EGF: variants seen among roughly 807,000 people sequenced by gnomAD.
EGF encodes pro-epidermal growth factor.
A neutral mutation model predicts 143.8 loss-of-function variants in EGF; 95 were observed. The observed-to-expected ratio is 0.66, with a 90% CI of 0.56 to 0.78. The LOEUF is 0.78. Ranked by LOEUF, EGF falls within the 30% of genes least tolerant of loss-of-function variation. The pLI is 0.00. For missense variants in EGF, 1,320 were observed against 1,470.9 expected (o/e 0.90, Z 1.68); for synonymous variants, 510 against 510.5 (o/e 1.00, Z 0.01).
At chr4:109,951,004 C>G (rs1743800485) in intron 5 of EGF, among the ~76,000 whole-genome samples, 1 of 151,814 alleles carries the variant, frequency 6.6e-6, no homozygotes, top group African/African-American at 2.4e-5. Flanking sequence ...CTTTAAGAAA[C>G]AAGAGTTGAA....
intron 1 of EGF, among the ~76,000 whole-genome samples, chr4:109,915,312 G>A (rs988283281): frequency 2.0e-5 from 3 of 152,296 alleles, no homozygotes; most frequent in Middle Eastern, 3.4e-3. Context: ...ACTGCTTTTA[G>A]GATTTTTTTG....
chr4:110,004,678 A>AT (rs1292009676), intron 22 of EGF, 56 bp downstream of exon 22: 5 of 1,297,238 alleles, frequency 3.9e-6, no homozygotes, highest in Middle Eastern at 2.0e-4. Flanking sequence ...ACCCCTATTC[A>AT]TTTTTTCTAT....
intron 1 of EGF, among the ~76,000 whole-genome samples, chr4:109,925,299 A>G (rs1026032117): frequency 5.3e-5 from 8 of 152,236 alleles, no homozygotes; most frequent in Non-Finnish European, 8.8e-5. Flanking sequence ...AAATGTGATG[A>G]AGTAAGTACT....
intron 1 of EGF, among the ~76,000 whole-genome samples, chr4:109,917,891 A>C (rs773346748): frequency 6.6e-6 from 1 of 152,186 alleles, no homozygotes; most frequent in Non-Finnish European, 1.5e-5. Flanking sequence ...AAGTGCTGGG[A>C]TTACAGGCAT....
intron 20 of EGF, among the ~76,000 whole-genome samples, chr4:109,998,563 A>G (rs756022967): frequency 2.6e-5 from 4 of 152,266 alleles, no homozygotes; most frequent in Non-Finnish European, 5.9e-5. Flanking sequence ...AGTGCCTAGC[A>G]GGATGTCAAA....
chr4:109,990,320 A>T (rs1268977357), intron 18 of EGF, among the ~76,000 whole-genome samples: 1 of 152,234 alleles, frequency 6.6e-6, no homozygotes, highest in Admixed American at 6.5e-5. Flanking sequence ...AAGAGTGCAC[A>T]TCATAAGAGA....
intron 5 of EGF, among the ~76,000 whole-genome samples, chr4:109,958,777 G>A (rs894204551): frequency 4.6e-5 from 7 of 151,908 alleles, no homozygotes; most frequent in African/African-American, 1.5e-4. Flanking sequence ...AATTAGCCAG[G>A]TGTGGTGGTG....
intron 13 of EGF, among the ~76,000 whole-genome samples, 163 bp downstream of exon 13, chr4:109,976,398 C>T (rs892129199): frequency 2.0e-5 from 3 of 152,216 alleles, no homozygotes; most frequent in African/African-American, 7.2e-5. Context: ...CTTACCTTAA[C>T]ATTGGAATAC....
chr4:109,960,599 C>T (rs990244581), intron 6 of EGF, among the ~76,000 whole-genome samples: 1 of 151,962 alleles, frequency 6.6e-6, no homozygotes. Context: ...GAGCTGAGAT[C>T]GTGGCATTGC....
intron 5 of EGF, among the ~76,000 whole-genome samples, chr4:109,953,129 T>C (rs1744212143): frequency 6.6e-6 from 1 of 152,242 alleles, no homozygotes; most frequent in Non-Finnish European, 1.5e-5. Context: ...TTTTCAAGAA[T>C]GCTTTATGGG....
intron 1 of EGF, among the ~76,000 whole-genome samples, chr4:109,928,996 G>T (rs1739234602): frequency 6.6e-6 from 1 of 152,074 alleles, no homozygotes; most frequent in African/African-American, 2.4e-5. Context: ...TATTATAGAA[G>T]TAGATATAAA....
chr4:110,007,343 C>T (rs1031699395), intron 22 of EGF, among the ~76,000 whole-genome samples: 2 of 152,266 alleles, frequency 1.3e-5, no homozygotes, highest in Middle Eastern at 3.4e-3. Flanking sequence ...GAAGCGTGAT[C>T]GGCCAAAACC....
At position 109,945,257 on chromosome 4, in the gene EGF, G is replaced by T. The variant is rs764972836; in HGVS notation, c.922G>T (p.Asp308Tyr). 4 of 1,613,992 alleles carry T rather than the reference G, an allele frequency of 2.5e-6. No homozygotes were observed. The highest frequency in any genetic ancestry group is 3.4e-6 in the Non-Finnish European group (4 of 1,179,970). Residue 308 changes from aspartate (D) to tyrosine (Y), a missense_variant, in exon 5 of 24, where the codon GAT becomes TAT. Asp to Tyr is a radical substitution (Grantham distance 160, BLOSUM62 -3). Coordinates refer to ENST00000265171, the MANE Select transcript of EGF (RefSeq NM_001963.6). ...VHPLAQPKAE[D>Y]DTWEPEQKLC... ...TCCACTTGCACAACCCAAGGCAGAAGATGACACTTGGGAGCCTGGTGAGTC... is the reference window on the plus strand; with the variant it reads ...TCCACTTGCACAACCCAAGGCAGAATATGACACTTGGGAGCCTGGTGAGTC...
In EGF at chr4:109,999,791, G is replaced by A. The variant is rs75935899; in HGVS notation, c.3118G>A (p.Val1040Met). 2,691 of 1,614,028 alleles carry A rather than the reference G, an allele frequency of 1.7e-3. 13 individuals are homozygous for A. The highest frequency in any genetic ancestry group is 0.015 in the East Asian group (689 of 44,876). ...GAAGGTCATCGTGGTGGCTGTCTGCGTGGTGGTGCTTGTCATGCTGCTCCT... is the reference window on the plus strand; with the variant it reads ...GAAGGTCATCGTGGTGGCTGTCTGCATGGTGGTGCTTGTCATGCTGCTCCT... Reference protein sequence around the residue: ...QQKVIVVAVCVVVLVMLLLLS... With the variant: ...QQKVIVVAVCMVVLVMLLLLS... Residue 1040 changes from valine to methionine, a missense_variant, in exon 21 of 24, where the codon GTG (valine) becomes ATG (methionine). Physicochemically the swap from Val to Met is conservative, Grantham distance 21. This residue lies in a region of EGF where 1,186 missense variants were observed against 1,313.7 expected (regional missense o/e 0.90). Transcript: ENST00000265171.
intron 1 of EGF, among the ~76,000 whole-genome samples, chr4:109,929,223 G>C (rs1419569453): frequency 6.6e-6 from 1 of 152,156 alleles, no homozygotes; most frequent in Non-Finnish European, 1.5e-5. Flanking sequence ...GCTAGGGTCT[G>C]TGTTGAGAAA....
At chr4:109,938,146 AC>A (rs1741187120) in intron 1 of EGF, among the ~76,000 whole-genome samples, 1 of 152,214 alleles carries the variant, frequency 6.6e-6, no homozygotes, top group African/African-American at 2.4e-5. Context: ...ACTTTCAGGT[AC>A]ACCAATCAAA....
rs1390189390 is a variant in EGF, at chr4:109,933,184, A to T, written c.128-7762A>T. ...GCGAAGCTGGTGGGGTCAGGACTGG[A>T]AACCAGGCCTCTGGCTTTCTGTCTA... On this transcript the variant is annotated intron_variant, in intron 1 of 23. Transcript: ENST00000265171. 2.6e-5 allele frequency among the ~76,000 whole-genome samples: 4 copies of T among 152,190 alleles called. No homozygotes were observed. The East Asian group carries it at 7.7e-4, about 29-fold the overall frequency.
chr4:109,992,261 T>C (rs1455741196), intron 18 of EGF: 1 of 149,644 alleles, frequency 6.7e-6, no homozygotes, highest in Non-Finnish European at 1.5e-5. Context: ...GCATGCGTTG[T>C]AGGACCTAGT....
At chr4:109,983,950 T>C (rs982852125) in intron 16 of EGF, among the ~76,000 whole-genome samples, 3 of 152,264 alleles carry the variant, frequency 2.0e-5, no homozygotes. Flanking sequence ...CTTCAATTGC[T>C]GCAGAAAGTC....
Sources: allele counts gnomAD v4.1 joint callset (sites outside exome capture counted in the v4.1 genomes callset), GRCh38; gene constraint gnomAD v4.1.1; regional missense constraint gnomAD v4.1.1; transcripts MANE v1.5; gene names NCBI Gene and HGNC (gene_info 2026-07-23, HGNC 2026-07-21).